ADARB2: variants seen among roughly 807,000 people sequenced by gnomAD.
The protein encoded by ADARB2 is adenosine deaminase RNA specific B2 (inactive).
In ADARB2, 25 loss-of-function variants were observed where a neutral mutation model predicts 62.2. The observed-to-expected ratio is 0.40, with a 90% confidence interval of 0.29 to 0.56. ADARB2 has a LOEUF of 0.56. ADARB2 is among the 20% of genes least tolerant of loss of function. The probability of loss-of-function intolerance (pLI) is 0.43; values close to 1 mark genes in which losing one functional copy is unlikely to be tolerated. For missense variants in ADARB2, 1,071 were observed against 1,077.4 expected (o/e 0.99, Z 0.08); for synonymous variants, 572 against 500.8 (o/e 1.14, Z -1.90).
At chr10:1,473,113 A>G (rs1831348410) in intron 1 of ADARB2, among the ~76,000 whole-genome samples, 2 of 152,194 alleles carry the variant, frequency 1.3e-5, no homozygotes, top group African/African-American at 4.8e-5. Context: ...TAAAACCCCA[A>G]GTCACAGGTC....
intron 1 of ADARB2, among the ~76,000 whole-genome samples, chr10:1,506,908 G>A (rs957008630): frequency 6.6e-6 from 1 of 152,218 alleles, no homozygotes; most frequent in African/African-American, 2.4e-5. Context: ...GATCCCTGCC[G>A]TGTGAGGACG....
At chr10:1,364,731 G>A (rs1832297678) in intron 2 of ADARB2, among the ~76,000 whole-genome samples, 2 of 152,170 alleles carry the variant, frequency 1.3e-5, no homozygotes, top group Admixed American at 6.5e-5. Context: ...TAAAGTACAG[G>A]CATGCCTCCT....
intron 1 of ADARB2, chr10:1,678,051 G>T: frequency 1.9e-6 from 1 of 515,102 alleles, no homozygotes; most frequent in Non-Finnish European, 2.5e-6. Context: ...GGAACAAACT[G>T]GATAATTGGA....
intron 3 of ADARB2, among the ~76,000 whole-genome samples, chr10:1,344,256 T>C (rs893021713): frequency 4.6e-5 from 7 of 152,128 alleles, no homozygotes; most frequent in African/African-American, 1.4e-4. Context: ...GGCAGGGAAA[T>C]AGGTTCCTTT....
At chr10:1,710,727 A>ACTCTCAGGCTCTTGCAGC (rs1206202993) in intron 1 of ADARB2, among the ~76,000 whole-genome samples, 13 of 152,140 alleles carry the variant, frequency 8.5e-5, no homozygotes, top group African/African-American at 3.1e-4. Context: ...GCTCCCGCAG[A>ACTCTCAGGCTCTTGCAGC]CTCTCAGGCT....
chr10:1,438,434 T>G (rs1305910996), intron 1 of ADARB2, among the ~76,000 whole-genome samples: 31 of 133,166 alleles, frequency 2.3e-4, no homozygotes, highest in Admixed American at 6.0e-4. Flanking sequence ...GGCCCTTCAC[T>G]ATGGGGCTCC....
chr10:1,732,866 T>G (rs1311134562), intron 1 of ADARB2, among the ~76,000 whole-genome samples: 1 of 152,260 alleles, frequency 6.6e-6, no homozygotes, highest in Non-Finnish European at 1.5e-5. Flanking sequence ...GCTCGACTTA[T>G]TTTGTTCCTT....
intron 1 of ADARB2, among the ~76,000 whole-genome samples, chr10:1,476,358 C>A (rs536759347): frequency 6.6e-6 from 1 of 152,306 alleles, no homozygotes; most frequent in South Asian, 2.1e-4. Context: ...CCAGGCCCTG[C>A]AGGGCAGAGC....
chr10:1,340,743 CACCA>C, intron 3 of ADARB2, among the ~76,000 whole-genome samples: 4 of 145,354 alleles, frequency 2.8e-5, no homozygotes, highest in African/African-American at 1.1e-4. Flanking sequence ...AACCAGCATC[CACCA>C]GAGAACCACG....
At chr10:1,703,242 G>A (rs1834845993) in intron 1 of ADARB2, among the ~76,000 whole-genome samples, 2 of 152,292 alleles carry the variant, frequency 1.3e-5, no homozygotes, top group South Asian at 4.1e-4. Flanking sequence ...GGCATAAATA[G>A]CAAGGGGGTG....
chr10:1,496,213 C>G (rs767681814), intron 1 of ADARB2, among the ~76,000 whole-genome samples: 5 of 151,816 alleles, frequency 3.3e-5, no homozygotes, highest in Non-Finnish European at 7.4e-5. Context: ...GTATCAACAT[C>G]ATCACTATCA....
At chr10:1,676,045 A>C in intron 1 of ADARB2, 1 of 985,282 alleles carries the variant, frequency 1.0e-6, no homozygotes, top group Non-Finnish European at 1.2e-6. Flanking sequence ...CTAACTCTTG[A>C]CCTGAGCCCC....
At chr10:1,568,401 C>T (rs1346065007) in intron 1 of ADARB2, among the ~76,000 whole-genome samples, 1 of 152,208 alleles carries the variant, frequency 6.6e-6, no homozygotes, top group Non-Finnish European at 1.5e-5. Flanking sequence ...AGCTGCGGGG[C>T]CGTCTCCGCA....
intron 4 of ADARB2, among the ~76,000 whole-genome samples, chr10:1,257,057 G>C (rs550458638): frequency 6.6e-6 from 1 of 152,202 alleles, no homozygotes; most frequent in Admixed American, 6.5e-5. Context: ...GTATGCTTTT[G>C]TTCTGTTTTT....
At chr10:1,405,301 C>T (rs1832698145) in intron 1 of ADARB2, among the ~76,000 whole-genome samples, 1 of 152,190 alleles carries the variant, frequency 6.6e-6, no homozygotes, top group African/African-American at 2.4e-5. Context: ...GTCTTCTGAG[C>T]TACCTACAAT....
At position 1,242,125 on chromosome 10, in the gene ADARB2, G is replaced by A. The variant is rs111944117; in HGVS notation, c.1361+6C>T. ...CCTTCCCTGGAGCCCGTCCCCAGCC[G>A]CTCACCTCAGGTGCAGCTCCAGCTG... On this transcript the variant is annotated splice_donor_region_variant and intron_variant, in intron 5 of 9. Transcript: ENST00000381312. 3.7e-4 allele frequency: 587 copies of A among 1,596,064 alleles called. 10 individuals carry two copies. The South Asian group carries it at 5.8e-3, about 16-fold the overall frequency.
At chr10:1,667,622 A>T (rs181055250) in intron 1 of ADARB2, among the ~76,000 whole-genome samples, 16 of 152,280 alleles carry the variant, frequency 1.1e-4, no homozygotes, top group East Asian at 9.6e-4. Context: ...TAATTGGAGG[A>T]TGCTTGACAG....
At chr10:1,354,683 A>G (rs1424772515) in intron 3 of ADARB2, among the ~76,000 whole-genome samples, 1 of 152,066 alleles carries the variant, frequency 6.6e-6, no homozygotes, top group Non-Finnish European at 1.5e-5. Flanking sequence ...GTGGCACCCC[A>G]TGTGCTCTCC....
Position 1,698,758 on chromosome 10 carries a change from A to C in ADARB2, c.100+38293T>G, listed in dbSNP as rs188436379. The stretch of plus-strand genomic sequence containing the variant: ...TTGAAGGGGCAAATGACTTTTAAAA[A>C]ATTTATTATTATTATTTTTTAAATG... On this transcript the variant is annotated intron_variant, in intron 1 of 9. Coordinates refer to ENST00000381312, the MANE Select transcript of ADARB2 (RefSeq NM_018702.4). 9.6e-4 allele frequency among the ~76,000 whole-genome samples: 146 copies of C among 152,288 alleles called. 1 individual carries two copies. The highest frequency in any genetic ancestry group is 4.2e-3 in the Admixed American group (64 of 15,294).
Sources: gnomAD v4.1 joint callset for allele counts (sites outside exome capture counted in the v4.1 genomes callset) on GRCh38, gnomAD v4.1.1 for gene constraint, MANE v1.5 for transcripts, NCBI Gene and HGNC (gene_info 2026-07-23, HGNC 2026-07-21) for gene names.